Variants in TRNT1 observed in about 807,000 individuals in gnomAD.
The protein encoded by TRNT1 is CCA tRNA nucleotidyltransferase 1, mitochondrial.
A neutral mutation model predicts 45.6 loss-of-function variants in TRNT1; 44 were observed. The observed-to-expected ratio is 0.97, with a 90% CI of 0.76 to 1.24. TRNT1 has a LOEUF of 1.24. Ranked by LOEUF, TRNT1 falls within the 50% of genes most tolerant of loss-of-function variation. TRNT1 has a pLI of 0.00. For synonymous variants in TRNT1, 201 were observed against 171.4 expected (o/e 1.17, Z -1.35); for missense variants, 633 against 504.4 (o/e 1.25, Z -2.44).
intron 2 of TRNT1, among the ~76,000 whole-genome samples, chr3:3,135,102 C>T (rs1705244890): frequency 6.6e-6 from 1 of 152,034 alleles, no homozygotes; most frequent in Admixed American, 6.6e-5. Context: ...TTTTGTTTGC[C>T]ATGTAGACAT....
intron 2 of TRNT1, among the ~76,000 whole-genome samples, chr3:3,133,465 A>AG (rs1399542749): frequency 6.6e-6 from 1 of 151,914 alleles, no homozygotes; most frequent in Non-Finnish European, 1.5e-5. Flanking sequence ...AGGCTGAGGC[A>AG]GGGGGTTCCT....
intron 2 of TRNT1, chr3:3,130,119 T>C (rs1704916973): frequency 1.4e-6 from 1 of 695,268 alleles, no homozygotes; most frequent in East Asian, 2.7e-5. Context: ...ACAGTAGCAT[T>C]ACAAAGCCTG....
chr3:3,139,753 G>T (rs1308797361), intron 3 of TRNT1, among the ~76,000 whole-genome samples: 2 of 152,024 alleles, frequency 1.3e-5, no homozygotes, highest in Non-Finnish European at 2.9e-5. Context: ...TTTGAGACAG[G>T]GTCTCACTCT....
chr3:3,140,989 G>T (rs921620498), intron 4 of TRNT1, among the ~76,000 whole-genome samples: 8 of 152,116 alleles, frequency 5.3e-5, no homozygotes, highest in Non-Finnish European at 7.4e-5. Flanking sequence ...GGAGAATGGT[G>T]TGAACCCGGG....
chr3:3,135,825 T>G (rs1705294284), intron 2 of TRNT1, among the ~76,000 whole-genome samples: 1 of 152,198 alleles, frequency 6.6e-6, no homozygotes, highest in African/African-American at 2.4e-5. Context: ...CAAGTTGGGT[T>G]GTTACTCCTG....
rs561212352 is a variant in TRNT1 at position 3,127,000 on chromosome 3, C to G, written c.-28+10C>G. ...GGCAACAGCGGGGCCGGTAAGCGGG[C>G]GCGCGCCGCTCAGAGGGGCAGAGTT... On this transcript the variant is annotated intron_variant, in intron 1 of 7. Transcript: ENST00000251607. 3.3e-3 allele frequency: 511 copies of G among 152,926 alleles called. No homozygotes were observed. The highest frequency in any genetic ancestry group is 0.011 in the African/African-American group (476 of 41,602). The allele number at this position is 152,926 out of a possible 1,614,324, so 9.5% of individuals were successfully genotyped here.
chr3:3,148,138 A>G lies in TRNT1; in HGVS notation c.1289A>G (p.Tyr430Cys), dbSNP rs774429750. 3.1e-6 allele frequency: 5 copies of G among 1,613,362 alleles called. No individual in the cohort carries two copies. The Admixed American group carries it at 6.7e-5, about 22-fold the overall frequency. Residue 430 changes from tyrosine to cysteine, a missense_variant, in exon 8 of 8, where the codon TAC becomes TGC. Transcript: ENST00000251607. ...ATGGAAAAAGATGAACTTCTGAGTT[A>G]CATAAAGAAGACCTAAAACTGATGG... is the stretch of plus-strand genomic sequence containing the variant. Reference protein sequence around the residue: ...YQMEKDELLSYIKKT With the variant: ...YQMEKDELLSCIKKT
At chr3:3,132,462 C>T (rs1410845378) in intron 2 of TRNT1, among the ~76,000 whole-genome samples, 1 of 45,508 alleles carries the variant, frequency 2.2e-5, no homozygotes, top group Non-Finnish European at 4.6e-5. Context: ...TATTCTCACT[C>T]ATAGGTGGGA....
chr3:3,132,606 G>C (rs1488978962), intron 2 of TRNT1, among the ~76,000 whole-genome samples: 4 of 105,824 alleles, frequency 3.8e-5, no homozygotes. Flanking sequence ...TGGGTGCAGC[G>C]CACCAGCATG....
Position 3,146,762 on chromosome 3 carries a change from G to A in TRNT1, c.802+139G>A, listed in dbSNP as rs146598108. 19 of 824,212 alleles carry A rather than the reference G, an allele frequency of 2.3e-5. No homozygotes were observed. In the East Asian group the frequency reaches 4.1e-4, roughly 18 times the overall value. The allele number at this position is 824,212 out of a possible 1,614,324, so 51.1% of individuals were successfully genotyped here. ...TATTTTAAAATAAGACAAAGTTTGG[G>A]TTATGGGGTAAGTTTTGTCGTGAGT... is the stretch of plus-strand genomic sequence containing the variant. On this transcript the variant is annotated intron_variant, in intron 6 of 7. Transcript: ENST00000251607.
At position 3,140,437 on chromosome 3, in the gene TRNT1, CTTA is replaced by C. The variant is rs930910951; in HGVS notation, c.343-70_343-68del. 7.3e-6 allele frequency: 11 copies of C among 1,513,510 alleles called. No individual in the cohort carries two copies. The African/African-American group carries it at 1.4e-4, about 19-fold the overall frequency. The allele number at this position is 1,513,510 out of a possible 1,614,324, so 93.8% of individuals were successfully genotyped here. A position where few individuals can be genotyped will look rare whatever the true frequency, so the allele number is the denominator to read the frequency against. ...TACCATCCCTTTATAAAGACAAAAA[CTTA>C]TTTTTTTCAATTCAGTAGTATGAAA... On this transcript the variant is annotated intron_variant, in intron 3 of 7. Transcript: ENST00000251607.
intron 3 of TRNT1, among the ~76,000 whole-genome samples, chr3:3,138,003 C>T (rs1347308228): frequency 6.6e-6 from 1 of 152,278 alleles, no homozygotes; most frequent in East Asian, 1.9e-4. Flanking sequence ...CACTCTGTGC[C>T]AGAGCTATAG....
intron 3 of TRNT1, 84 bp downstream of exon 3, chr3:3,137,537 C>T (rs928428905): frequency 6.5e-5 from 78 of 1,202,358 alleles, no homozygotes; most frequent in African/African-American, 1.5e-4. Context: ...AAGCAAATAA[C>T]GAAAAGTCTA....
chr3:3,152,925 G>T, downstream of TRNT1: 2 of 342,870 alleles, frequency 5.8e-6, no homozygotes, highest in Admixed American at 4.4e-5. Flanking sequence ...ACAAGGTCCT[G>T]TGTGGTCATT....
chr3:3,149,629 G>A (rs1706340503), downstream of TRNT1: 1 of 152,074 alleles, frequency 6.6e-6, no homozygotes, highest in Non-Finnish European at 1.5e-5. Flanking sequence ...CCAGACCAGT[G>A]AAGTCACACA....
At chr3:3,145,085 T>C (rs3864050) in intron 5 of TRNT1, 19,272 of 156,836 alleles carry the variant, frequency 0.12, 1,294 homozygotes, top group Admixed American at 0.16. Flanking sequence ...AGTGAAAGTG[T>C]TCGCCTTCAT....
chr3:3,140,878 C>G, intron 4 of TRNT1: 1 of 394,368 alleles, frequency 2.5e-6, no homozygotes. Context: ...GTCAGGAGAT[C>G]GAGACCATCC....
rs983744356 is a variant in TRNT1, at chr3:3,126,967, G to C, written c.-51G>C. 6.5e-6 allele frequency: 1 copy of C among 152,860 alleles called. No homozygotes were observed. Among genetic ancestry groups the C allele is most frequent in the Non-Finnish European group, 1.5e-5 (1 of 68,546 alleles). The allele number at this position is 152,860 out of a possible 1,614,324, so 9.5% of individuals were successfully genotyped here. A position where few individuals can be genotyped will look rare whatever the true frequency, so the allele number is the denominator to read the frequency against. On this transcript the variant is annotated 5_prime_UTR_variant, in exon 1 of 8. Transcript: ENST00000251607. ...CCCGGAAGTGCGCGTGGCGGCGGTG[G>C]CGGCTGCGGCAACAGCGGGGCCGGT...
intron 2 of TRNT1, 96 bp downstream of exon 2, chr3:3,129,284 T>C (rs901139446): frequency 8.8e-7 from 1 of 1,138,758 alleles, no homozygotes; most frequent in Non-Finnish European, 1.3e-6. Context: ...ATTTTCATTG[T>C]TGTTTTAATT....
Sources: allele counts gnomAD v4.1 joint callset (sites outside exome capture counted in the v4.1 genomes callset), GRCh38; gene constraint gnomAD v4.1.1; transcripts MANE v1.5; gene names NCBI Gene and HGNC (gene_info 2026-07-23, HGNC 2026-07-21).